SEMA3A: variants seen among roughly 807,000 people sequenced by gnomAD.
The protein encoded by SEMA3A is semaphorin-3A.
SEMA3A carries 29 observed loss-of-function variants against 97.9 expected under a neutral mutation model. That is an observed-to-expected ratio of 0.30 (90% CI 0.22 to 0.40). SEMA3A has a LOEUF of 0.40. Ranked by LOEUF, SEMA3A falls within the 10% of genes least tolerant of loss-of-function variation. The pLI is 1.00. For synonymous variants in SEMA3A, 321 were observed against 323.7 expected, an observed-to-expected ratio of 0.99 and a Z score of 0.09; for missense variants, 763 against 951.3, an observed-to-expected ratio of 0.80 and a Z score of 2.60.
chr7:84,355,943 GA>G (rs35613315), intron 2 of SEMA3A, among the ~76,000 whole-genome samples: 47,134 of 151,528 alleles, frequency 0.31, 8,235 homozygotes, highest in African/African-American at 0.46. Flanking sequence ...GCTATTTTTG[GA>G]AAATAAATGG....
intron 3 of SEMA3A, among the ~76,000 whole-genome samples, chr7:84,264,366 T>A (rs1205086241): frequency 6.6e-6 from 1 of 152,204 alleles, no homozygotes; most frequent in Non-Finnish European, 1.5e-5. Context: ...TTGTTCTTTT[T>A]AATTTTCCTG....
chr7:84,418,702 T>C (rs1228958), intron 1 of SEMA3A, among the ~76,000 whole-genome samples: 26,651 of 151,852 alleles, frequency 0.18, 2,478 homozygotes, highest in Middle Eastern at 0.23. Flanking sequence ...CTTGTACCAG[T>C]AGCCTCCGGG....
intron 2 of SEMA3A, among the ~76,000 whole-genome samples, chr7:84,310,063 G>A (rs1362273899): frequency 5.9e-5 from 9 of 152,030 alleles, no homozygotes; most frequent in Admixed American, 3.3e-4. Context: ...CATAAGCTAC[G>A]TTAAGTATAA....
chr7:84,200,448 T>A lies in SEMA3A; in HGVS notation c.-82-5780A>T, dbSNP rs1377765772. On this transcript the variant is annotated intron_variant, in intron 3 of 3. Transcript: ENST00000424555. ...TAATGGAGCCAGTAGGTGAATTTTA[T>A]TAGGTTGGTAAGTTTGAGTGGAGGA... is the stretch of plus-strand genomic sequence containing the variant. 3.3e-5 allele frequency among the ~76,000 whole-genome samples: 5 copies of A among 152,168 alleles called. No individual in the cohort carries two copies. In the East Asian group the frequency reaches 9.7e-4, roughly 29 times the overall value.
intron 3 of SEMA3A, among the ~76,000 whole-genome samples, chr7:84,280,240 C>T (rs932184210): frequency 9.9e-5 from 15 of 152,062 alleles, no homozygotes; most frequent in African/African-American, 2.2e-4. Context: ...TTCGGCCTCC[C>T]GGTCAATTTA....
At chr7:84,089,736 A>T (rs1794504573) in intron 4 of SEMA3A, among the ~76,000 whole-genome samples, 1 of 151,984 alleles carries the variant, frequency 6.6e-6, no homozygotes, top group Non-Finnish European at 1.5e-5. Context: ...TTATATACAC[A>T]TTTGGTAAAT....
intron 6 of SEMA3A, among the ~76,000 whole-genome samples, chr7:84,040,814 G>A (rs1481826935): frequency 6.6e-6 from 1 of 151,940 alleles, no homozygotes; most frequent in Non-Finnish European, 1.5e-5. Flanking sequence ...AGAAAAAAAT[G>A]TAAAAAACAA....
chr7:84,471,729 C>T (rs1584348552), intron 1 of SEMA3A, among the ~76,000 whole-genome samples: 1 of 152,052 alleles, frequency 6.6e-6, no homozygotes, highest in Non-Finnish European at 1.5e-5. Flanking sequence ...TCCCCAATTC[C>T]CCCAACCAAA....
rs1407750515 is a variant in SEMA3A at position 84,046,347 on chromosome 7, T to C, written c.644A>G (p.Gln215Arg). The change falls in exon 6 of 17, where the codon CAG (glutamine) becomes CGG (arginine). Residue 215 changes from glutamine to arginine, a missense_variant. Physicochemically the swap from Gln to Arg is conservative, Grantham distance 43. Transcript: ENST00000265362. ...LGHHHPIRTEQHDSRWLNDPK... is the reference protein window; with the variant it reads ...LGHHHPIRTERHDSRWLNDPK... ...ACCATTGAGCCACCTGGAATCATGC[T>C]GCTCTGTCCTGATTGGGTGGTGGTG... The C allele has an allele frequency of 6.2e-7, 1 of 1,613,122 alleles. No individual in the cohort carries two copies. The highest frequency in any genetic ancestry group is 8.5e-7 in the Non-Finnish European group (1 of 1,179,308).
intron 6 of SEMA3A, among the ~76,000 whole-genome samples, chr7:84,024,946 G>C (rs62473928): frequency 0.39 from 59,456 of 151,842 alleles, 12,945 homozygotes; most frequent in Non-Finnish European, 0.5. Flanking sequence ...AAGTAGCCGG[G>C]CATGGTGGTG....
At chr7:84,014,391 TAATA>T (rs766101618) in intron 6 of SEMA3A, 40 bp from the exon 7 acceptor site, 7 of 1,495,172 alleles carry the variant, frequency 4.7e-6, no homozygotes, top group Non-Finnish European at 5.5e-6. Context: ...ATTCACAGCT[TAATA>T]AATAATACCA....
intron 1 of SEMA3A, among the ~76,000 whole-genome samples, chr7:84,141,828 C>T (rs2116075153): frequency 6.6e-6 from 1 of 152,100 alleles, no homozygotes; most frequent in African/African-American, 2.4e-5. Flanking sequence ...AGGATAATGC[C>T]CTCCAACTCC....
chr7:84,034,069 C>T lies in SEMA3A; in HGVS notation c.667+12255G>A, dbSNP rs185247801. Among the ~76,000 whole-genome samples the T allele has an allele frequency of 1.9e-4, 29 of 151,790 alleles. No homozygotes were observed. The East Asian group carries it at 4.7e-3, about 24-fold the overall frequency. ...TGTGATCTCAGCTCACTGTCACTTT[C>T]GCTTCCCAGGTTCAACTGATTCTCC... is the stretch of plus-strand genomic sequence containing the variant. On this transcript the variant is annotated intron_variant, in intron 6 of 16. Coordinates refer to ENST00000265362, the MANE Select transcript of SEMA3A (RefSeq NM_006080.3).
intron 3 of SEMA3A, among the ~76,000 whole-genome samples, chr7:84,293,648 A>C (rs1215764975): frequency 6.6e-6 from 1 of 152,048 alleles, no homozygotes; most frequent in African/African-American, 2.4e-5. Context: ...TAGTAATACA[A>C]AAATATTTCA....
At chr7:84,162,578 C>A (rs1359333469) in intron 1 of SEMA3A, among the ~76,000 whole-genome samples, 2 of 151,678 alleles carry the variant, frequency 1.3e-5, no homozygotes, top group South Asian at 4.2e-4. Flanking sequence ...TGGCTCATAT[C>A]CTCAATTTTT....
intron 1 of SEMA3A, among the ~76,000 whole-genome samples, chr7:84,139,438 A>C (rs1054649687): frequency 2.0e-5 from 3 of 152,074 alleles, no homozygotes; most frequent in Admixed American, 6.6e-5. Flanking sequence ...GTATTCTTAA[A>C]TTTGGAAGGT....
chr7:84,260,850 G>A (rs1436479485), intron 3 of SEMA3A, among the ~76,000 whole-genome samples: 41 of 152,186 alleles, frequency 2.7e-4, no homozygotes, highest in Admixed American at 1.8e-3. Context: ...AGAAAGGGGC[G>A]TATCCTTGGT....
intron 15 of SEMA3A, among the ~76,000 whole-genome samples, chr7:83,972,312 T>G (rs1041872765): frequency 6.6e-6 from 1 of 151,938 alleles, no homozygotes; most frequent in African/African-American, 2.4e-5. Context: ...TGTGATGTCA[T>G]GGGTAATATG....
chr7:84,248,003 A>G lies in SEMA3A; in HGVS notation c.-82-53335T>C, dbSNP rs531732433. 9.2e-5 allele frequency among the ~76,000 whole-genome samples: 14 copies of G among 152,304 alleles called. No homozygotes were observed. The South Asian group carries it at 2.9e-3, about 32-fold the overall frequency. On this transcript the variant is annotated intron_variant, in intron 3 of 3. Coordinates refer to the SEMA3A transcript ENST00000424555. ...TATTATGTTTATATTTTCAACATGA[A>G]TAATTCTGCTTTGTGTTGGGCAGTA...
Sources: allele counts gnomAD v4.1 joint callset (sites outside exome capture counted in the v4.1 genomes callset), GRCh38; gene constraint gnomAD v4.1.1; transcripts MANE v1.5; gene names NCBI Gene and HGNC (gene_info 2026-07-23, HGNC 2026-07-21).